Variants in FBRSL1 observed in about 807,000 individuals in gnomAD.
FBRSL1 encodes fibrosin-1-like protein.
Under a neutral mutation model 89.6 loss-of-function variants are expected in FBRSL1, and 51 were observed. That is an observed-to-expected ratio of 0.57 (90% CI 0.45 to 0.72). FBRSL1 has a LOEUF of 0.72. FBRSL1 is among the 30% of genes least tolerant of loss of function. The pLI is 0.00. For missense variants in FBRSL1, 1,618 were observed against 1,451.8 expected, an observed-to-expected ratio of 1.11 and a Z score of -1.86; for synonymous variants, 779 against 681.1, an observed-to-expected ratio of 1.14 and a Z score of -2.24.
intron 5 of FBRSL1, chr12:132,554,763 C>T (rs1274059939): frequency 1.3e-5 from 2 of 152,184 alleles, no homozygotes; most frequent in Admixed American, 6.5e-5. Context: ...GCCTGGCCAA[C>T]GTGGCAAAAC....
chr12:132,501,916 C>T (rs1357041122), intron 1 of FBRSL1, among the ~76,000 whole-genome samples: 1 of 152,256 alleles, frequency 6.6e-6, no homozygotes, highest in Non-Finnish European at 1.5e-5. Flanking sequence ...ACAGCCTCAC[C>T]TGCCCGGTGT....
intron 14 of FBRSL1, among the ~76,000 whole-genome samples, chr12:132,575,825 C>T (rs905176621): frequency 2.6e-5 from 4 of 152,276 alleles, no homozygotes; most frequent in Non-Finnish European, 5.9e-5. Flanking sequence ...AGTGCCAGAG[C>T]ACACTGCAGG....
At chr12:132,563,774 CATA>C (rs1456037109) in intron 5 of FBRSL1, among the ~76,000 whole-genome samples, 19,502 of 91,966 alleles carry the variant, frequency 0.21, 4,266 homozygotes, top group East Asian at 0.38. Flanking sequence ...CCGGCTGACA[CATA>C]CCTACGACTG....
Position 132,581,504 on chromosome 12 carries a change from G to A in FBRSL1, c.1900G>A (p.Gly634Ser). The A allele has an allele frequency of 2.6e-6, 4 of 1,551,026 alleles. No individual in the cohort carries two copies. The highest frequency in any genetic ancestry group is 1.4e-5 in the African/African-American group (1 of 73,176). Reference protein sequence around the residue: ...SAHPGSFLPTGPLTDPFSRPS... With the variant: ...SAHPGSFLPTSPLTDPFSRPS... ...CCATCCTGGCAGCTTCCTGCCCACT[G>A]GCCCCCTGACAGGTGGGTGTCTCTG... Residue 634 changes from glycine to serine, a missense_variant, in exon 16 of 19, where the codon GGC (glycine) becomes AGC (serine). Gly to Ser is a moderately conservative substitution (Grantham distance 56). Transcript: ENST00000680143.
chr12:132,522,088 C>T (rs1042100934), intron 2 of FBRSL1, among the ~76,000 whole-genome samples: 5 of 152,142 alleles, frequency 3.3e-5, no homozygotes, highest in Middle Eastern at 3.4e-3. Context: ...TGTGTGCAGC[C>T]GGCGCGGCCC....
chr12:132,574,933 C>A (rs1284099117), intron 14 of FBRSL1, among the ~76,000 whole-genome samples: 1 of 152,050 alleles, frequency 6.6e-6, no homozygotes, highest in Non-Finnish European at 1.5e-5. Context: ...GTTCTTCGGT[C>A]TTCAGCAGTG....
chr12:132,528,586 G>A (rs1230213405), intron 4 of FBRSL1, among the ~76,000 whole-genome samples: 4 of 151,662 alleles, frequency 2.6e-5, no homozygotes, highest in South Asian at 2.1e-4. Context: ...TGTGTTTCCC[G>A]GGGGGAGCGG....
At chr12:132,502,721 C>G (rs1436993886) in intron 1 of FBRSL1, among the ~76,000 whole-genome samples, 3 of 148,458 alleles carry the variant, frequency 2.0e-5, no homozygotes, top group Non-Finnish European at 4.5e-5. Flanking sequence ...CTTCAGGCCT[C>G]GAGCCCGCTA....
At chr12:132,490,911 G>A (rs1388738123) in intron 1 of FBRSL1, 50 bp downstream of exon 1, 5 of 1,227,220 alleles carry the variant, frequency 4.1e-6, no homozygotes, top group South Asian at 1.9e-5. Flanking sequence ...AACGGGGCCC[G>A]GAGTTGACGC....
chr12:132,583,384 C>T lies in FBRSL1; in HGVS notation c.2615C>T (p.Pro872Leu). 2 of 1,086,242 alleles carry T rather than the reference C, an allele frequency of 1.8e-6. No individual in the cohort carries two copies. Among genetic ancestry groups the T allele is most frequent in the Non-Finnish European group, 2.2e-6 (2 of 894,436 alleles). The allele number at this position is 1,086,242 out of a possible 1,614,324, so 67.3% of individuals were successfully genotyped here. The change falls in exon 19 of 19, where the codon CCG becomes CTG. Residue 872 changes from proline to leucine, a missense_variant. Coordinates refer to ENST00000680143, the MANE Select transcript of FBRSL1 (RefSeq NM_001367871.1). ...GCCTTCCCCGCTGCCGCCCCCGCCC[C>T]GGGCTCCGCCGCCCTCTTGGAGCCC... is the stretch of plus-strand genomic sequence containing the variant. ...RRAFPAAAPA[P>L]GSAALLEPPE...
intron 2 of FBRSL1, among the ~76,000 whole-genome samples, chr12:132,516,946 A>G (rs1379155181): frequency 1.3e-5 from 2 of 152,254 alleles, no homozygotes; most frequent in Non-Finnish European, 2.9e-5. Context: ...TGTACTGTCT[A>G]CATAGCTGCC....
chr12:132,525,554 C>G (rs2136924334), intron 2 of FBRSL1, among the ~76,000 whole-genome samples, 180 bp from the exon 3 acceptor site: 1 of 152,340 alleles, frequency 6.6e-6, no homozygotes, highest in Non-Finnish European at 1.5e-5. Context: ...TGCTCCCGCC[C>G]CCAGACCAGG....
chr12:132,538,781 T>C (rs1368494336), intron 4 of FBRSL1, among the ~76,000 whole-genome samples: 1 of 152,190 alleles, frequency 6.6e-6, no homozygotes, highest in Non-Finnish European at 1.5e-5. Flanking sequence ...CTTTGAAGCC[T>C]AAATACTCAT....
At chr12:132,543,193 C>G (rs2037409663) in intron 4 of FBRSL1, among the ~76,000 whole-genome samples, 1 of 152,220 alleles carries the variant, frequency 6.6e-6, no homozygotes, top group Admixed American at 6.5e-5. Flanking sequence ...CCAGCGGCTG[C>G]TGTCCTGAGC....
intron 1 of FBRSL1, among the ~76,000 whole-genome samples, chr12:132,495,760 C>T (rs1200875668): frequency 6.6e-6 from 1 of 152,218 alleles, no homozygotes; most frequent in Non-Finnish European, 1.5e-5. Flanking sequence ...GCCCTGAAAG[C>T]AGCGTCGCTG....
At chr12:132,526,267 C>A (rs902308985) in intron 3 of FBRSL1, among the ~76,000 whole-genome samples, 2 of 152,212 alleles carry the variant, frequency 1.3e-5, no homozygotes, top group South Asian at 4.1e-4. Flanking sequence ...GAGGTTTCTG[C>A]TGACTGGAAC....
chr12:132,520,064 T>C (rs1156657390), intron 2 of FBRSL1, among the ~76,000 whole-genome samples: 2 of 148,652 alleles, frequency 1.3e-5, no homozygotes, highest in Non-Finnish European at 3.0e-5. Flanking sequence ...TTCCTCGCAC[T>C]CCTCCAGCAC....
At chr12:132,566,655 A>G (rs1335068821) in intron 5 of FBRSL1, among the ~76,000 whole-genome samples, 3 of 142,346 alleles carry the variant, frequency 2.1e-5, no homozygotes, top group Non-Finnish European at 3.1e-5. Context: ...GCTCCCCCAC[A>G]TAGCCTGGGA....
In FBRSL1 at chr12:132,572,342, AGT is replaced by A. The variant is rs2137927028; in HGVS notation, c.1434+2_1434+3del. The A allele has an allele frequency of 1.3e-6, 2 of 1,551,030 alleles. No individual in the cohort carries two copies. Among genetic ancestry groups the A allele is most frequent in the Non-Finnish European group, 1.7e-6 (2 of 1,146,694 alleles). ...DSPYFRHSSV[S>X]FFPSFPPAIP... The stretch of plus-strand genomic sequence containing the variant: ...CCCCTACTTCCGACATTCCAGCGTG[AGT>A]GTGAGTGTCCCCGAGGGGCCCGGCG... On this transcript the variant is annotated frameshift_variant and splice_region_variant, in exon 10 of 19. Coordinates refer to ENST00000680143, the MANE Select transcript of FBRSL1 (RefSeq NM_001367871.1). LOFTEE classifies it high-confidence loss of function.
Sources: allele counts gnomAD v4.1 joint callset (sites outside exome capture counted in the v4.1 genomes callset), GRCh38; gene constraint gnomAD v4.1.1; transcripts MANE v1.5; gene names NCBI Gene and HGNC (gene_info 2026-07-23, HGNC 2026-07-21).